The following ST8SIA1 variants were observed in gnomAD, a reference collection of about 807,000 sequenced individuals.
ST8SIA1 encodes the protein ST8 alpha-N-acetyl-neuraminide alpha-2,8-sialyltransferase 1, also known as alpha-N-acetylneuraminide alpha-2,8-sialyltransferase.
ST8SIA1 carries 16 observed loss-of-function variants against 35.9 expected under a neutral mutation model. That is an observed-to-expected ratio of 0.45 (90% CI 0.30 to 0.68). ST8SIA1 has a LOEUF of 0.68. Ranked by LOEUF, ST8SIA1 falls within the 30% of genes least tolerant of loss-of-function variation. The pLI, the probability that ST8SIA1 is intolerant of heterozygous loss-of-function variation, is 0.09. For missense variants in ST8SIA1, 383 were observed against 453.6 expected (o/e 0.84, Z 1.41); for synonymous variants, 170 against 169.6 (o/e 1.00, Z -0.02).
intron 1 of ST8SIA1, chr12:22,324,894 C>T (rs534455174): frequency 6.6e-6 from 1 of 151,740 alleles, no homozygotes; most frequent in African/African-American, 2.4e-5. Flanking sequence ...AATTATAAAG[C>T]TATTTTTTCA....
At chr12:22,231,242 A>AT (rs1335587028) in intron 4 of ST8SIA1, among the ~76,000 whole-genome samples, 3 of 151,236 alleles carry the variant, frequency 2.0e-5, no homozygotes, top group African/African-American at 7.3e-5. Context: ...GTTGCACGTG[A>AT]TTTTCCAAAG....
intron 4 of ST8SIA1, among the ~76,000 whole-genome samples, chr12:22,222,171 A>G (rs1368644750): frequency 3.3e-5 from 5 of 152,224 alleles, no homozygotes; most frequent in Non-Finnish European, 7.3e-5. Context: ...TTATTGGGTT[A>G]ATTTTAACAC....
At position 22,249,108 on chromosome 12, in the gene ST8SIA1, C is replaced by T; in HGVS notation, c.492-10G>A. On this transcript the variant is annotated splice_polypyrimidine_tract_variant and intron_variant, in intron 3 of 4. Transcript: ENST00000396037. ...AGGAGGGAGATTGCATCTAGAGAAA[C>T]AAGAACAAACATTTTGGAACAATTT... 2.5e-6 allele frequency: 4 copies of T among 1,571,848 alleles called. No homozygotes were observed. Among genetic ancestry groups the T allele is most frequent in the Non-Finnish European group, 3.5e-6 (4 of 1,143,238 alleles).
At chr12:22,287,413 G>T in intron 1 of ST8SIA1, 120 bp from the exon 2 acceptor site, 3 of 954,840 alleles carry the variant, frequency 3.1e-6, no homozygotes, top group South Asian at 2.0e-5. Flanking sequence ...CAGAAGCATA[G>T]CATCTCCAGG....
chr12:22,293,674 T>C (rs1866208385), intron 1 of ST8SIA1, among the ~76,000 whole-genome samples: 1 of 152,234 alleles, frequency 6.6e-6, no homozygotes, highest in East Asian at 1.9e-4. Flanking sequence ...GTAAGTAATT[T>C]CATTCTCCTT....
chr12:22,269,148 T>G (rs1865882949), intron 2 of ST8SIA1, among the ~76,000 whole-genome samples: 1 of 152,148 alleles, frequency 6.6e-6, no homozygotes, highest in South Asian at 2.1e-4. Flanking sequence ...TCTTAAATTA[T>G]TCCAAAAGAC....
intron 2 of ST8SIA1, among the ~76,000 whole-genome samples, chr12:22,278,082 T>C (rs1865992486): frequency 6.6e-6 from 1 of 152,194 alleles, no homozygotes; most frequent in African/African-American, 2.4e-5. Flanking sequence ...CGAACACTTA[T>C]TTTACTTACA....
intron 4 of ST8SIA1, among the ~76,000 whole-genome samples, chr12:22,237,974 C>T (rs1186327920): frequency 6.6e-6 from 1 of 151,888 alleles, no homozygotes; most frequent in African/African-American, 2.4e-5. Flanking sequence ...TTTTGGAGAT[C>T]CTGGATTTTA....
At chr12:22,314,157 C>T (rs1866486335) in intron 1 of ST8SIA1, among the ~76,000 whole-genome samples, 1 of 152,130 alleles carries the variant, frequency 6.6e-6, no homozygotes, top group Admixed American at 6.6e-5. Flanking sequence ...CAAAATGGGA[C>T]AGGACAGAGA....
rs751629002 is a variant in ST8SIA1 at position 22,201,788 on chromosome 12, G to A, written c.835C>T (p.Leu279=). The A allele has an allele frequency of 5.0e-6, 8 of 1,614,126 alleles. No homozygotes were observed. Among genetic ancestry groups the A allele is most frequent in the Non-Finnish European group, 6.8e-6 (8 of 1,179,986 alleles). The change falls in exon 5 of 5, where the codon CTG becomes TTG. Residue 279 remains leucine (L), a synonymous_variant. Coordinates refer to ENST00000396037, the MANE Select transcript of ST8SIA1 (RefSeq NM_003034.4). Reference sequence around the variant, plus strand: ...CAGAGACCCAGAGCTGCGCTCACCAGAAAAAGTCCTGTGGACAGGCGCTTG... The same window carrying A: ...CAGAGACCCAGAGCTGCGCTCACCAAAAAAAGTCCTGTGGACAGGCGCTTG... ...HAKRLSTGLF[L]VSAALGLCEE...
At chr12:22,305,572 G>A (rs141610002) in intron 1 of ST8SIA1, among the ~76,000 whole-genome samples, 38 of 151,908 alleles carry the variant, frequency 2.5e-4, no homozygotes, top group African/African-American at 8.7e-4. Flanking sequence ...GTAGAGACAG[G>A]GTTTCACCAT....
intron 4 of ST8SIA1, among the ~76,000 whole-genome samples, chr12:22,241,996 T>C (rs2120730456): frequency 6.6e-6 from 1 of 152,338 alleles, no homozygotes; most frequent in South Asian, 2.1e-4. Flanking sequence ...CCATAATTTT[T>C]CTTTTTCTAT....
chr12:22,275,458 G>A (rs1865958165), intron 2 of ST8SIA1, among the ~76,000 whole-genome samples: 2 of 152,128 alleles, frequency 1.3e-5, no homozygotes, highest in South Asian at 4.1e-4. Context: ...GGAGGCTGAG[G>A]CAGGAGAATC....
chr12:22,225,942 T>G (rs1865352099), intron 4 of ST8SIA1, among the ~76,000 whole-genome samples: 1 of 152,170 alleles, frequency 6.6e-6, no homozygotes, highest in Non-Finnish European at 1.5e-5. Flanking sequence ...CAGCAAACAC[T>G]AAACATGAAG....
chr12:22,299,186 T>C (rs1866286049), intron 1 of ST8SIA1, among the ~76,000 whole-genome samples: 3 of 152,236 alleles, frequency 2.0e-5, no homozygotes, highest in African/African-American at 7.2e-5. Context: ...TATTTTCCAA[T>C]AAAAATATAT....
In ST8SIA1 at chr12:22,196,035, A is replaced by C. The variant is rs1864983632; in HGVS notation, c.*5517T>G. The C allele has an allele frequency of 6.6e-6, 1 of 152,220 alleles. No homozygotes were observed. The highest frequency in any genetic ancestry group is 1.5e-5 in the Non-Finnish European group (1 of 68,038). 9.4% of individuals were successfully genotyped at this position (152,220 alleles called of 1,614,324 possible). On this transcript the variant is annotated 3_prime_UTR_variant, in exon 5 of 5. Coordinates refer to ENST00000396037, the MANE Select transcript of ST8SIA1 (RefSeq NM_003034.4). Reference sequence around the variant, plus strand: ...CAGACAGCTTGGCATCATTGATTATATCCCACAGCTTCAACAAGAAAAAAA... The same window carrying C: ...CAGACAGCTTGGCATCATTGATTATCTCCCACAGCTTCAACAAGAAAAAAA...
chr12:22,215,151 C>G (rs1470322958), intron 4 of ST8SIA1, among the ~76,000 whole-genome samples: 1 of 152,100 alleles, frequency 6.6e-6, no homozygotes, highest in Non-Finnish European at 1.5e-5. Context: ...CCAAGTCTCC[C>G]CCAACTGAAA....
intron 2 of ST8SIA1, among the ~76,000 whole-genome samples, chr12:22,285,554 G>A (rs1477215189): frequency 1.3e-5 from 2 of 152,130 alleles, no homozygotes; most frequent in Non-Finnish European, 2.9e-5. Flanking sequence ...AACATATAAT[G>A]CTTTGTATTT....
At chr12:22,329,761 T>G (rs1482820480) in intron 1 of ST8SIA1, among the ~76,000 whole-genome samples, 1 of 152,148 alleles carries the variant, frequency 6.6e-6, no homozygotes, top group Admixed American at 6.5e-5. Flanking sequence ...AGTCGTTTGT[T>G]CAAAATTTTG....
Sources: gnomAD v4.1 joint callset for allele counts (sites outside exome capture counted in the v4.1 genomes callset) on GRCh38, gnomAD v4.1.1 for gene constraint, MANE v1.5 for transcripts, NCBI Gene and HGNC (gene_info 2026-07-23, HGNC 2026-07-21) for gene names.